Variants in CDYL2 observed in about 807,000 individuals in gnomAD.
CDYL2 encodes the protein chromodomain Y like 2.
A neutral mutation model predicts 49.4 loss-of-function variants in CDYL2; 23 were observed. The ratio of observed to expected loss-of-function variants is 0.47; its 90% CI spans 0.34 to 0.66. The LOEUF is 0.66. CDYL2 is among the 30% of genes least tolerant of loss of function. CDYL2 has a pLI of 0.01. For missense variants in CDYL2, 678 were observed against 656.4 expected, an observed-to-expected ratio of 1.03 and a Z score of -0.36; for synonymous variants, 360 against 268.8, an observed-to-expected ratio of 1.34 and a Z score of -3.32.
intron 1 of CDYL2, among the ~76,000 whole-genome samples, chr16:80,754,978 T>G (rs2142568056): frequency 6.6e-6 from 1 of 151,928 alleles, no homozygotes; most frequent in Non-Finnish European, 1.5e-5. Flanking sequence ...ACTTGGGCAG[T>G]CACCCACCAA....
At chr16:80,722,082 C>A (rs1333650782) in intron 1 of CDYL2, among the ~76,000 whole-genome samples, 1 of 152,030 alleles carries the variant, frequency 6.6e-6, no homozygotes, top group Non-Finnish European at 1.5e-5. Context: ...TAAAAATTCC[C>A]AGTGATAAGG....
intron 1 of CDYL2, among the ~76,000 whole-genome samples, chr16:80,802,291 A>C (rs909643431): frequency 6.6e-6 from 1 of 152,234 alleles, no homozygotes; most frequent in Non-Finnish European, 1.5e-5. Flanking sequence ...AGGCAAGGTC[A>C]ACAGCTCTAA....
chr16:80,771,924 G>C (rs960370079), intron 1 of CDYL2, among the ~76,000 whole-genome samples: 16 of 152,150 alleles, frequency 1.1e-4, no homozygotes, highest in Admixed American at 6.5e-5. Context: ...AGAGGATACA[G>C]TGATGGAGAA....
At chr16:80,695,221 A>AGTT (rs756866662) in intron 1 of CDYL2, among the ~76,000 whole-genome samples, 1 of 152,252 alleles carries the variant, frequency 6.6e-6, no homozygotes, top group African/African-American at 2.4e-5. Flanking sequence ...AGTAGAAATG[A>AGTT]GTTGTTGTCA....
At chr16:80,644,923 AC>A (rs1410618916) in intron 2 of CDYL2, among the ~76,000 whole-genome samples, 1 of 152,148 alleles carries the variant, frequency 6.6e-6, no homozygotes, top group East Asian at 1.9e-4. Context: ...TGCTGGGAAA[AC>A]TGGCTAGCCA....
chr16:80,685,207 T>A, intron 1 of CDYL2, 78 bp from the exon 2 acceptor site: 2 of 1,175,212 alleles, frequency 1.7e-6, no homozygotes, highest in South Asian at 2.8e-5. Flanking sequence ...AAGAACACCA[T>A]AAAGCCTTTG....
At chr16:80,680,068 A>G (rs1245520331) in intron 2 of CDYL2, among the ~76,000 whole-genome samples, 2 of 152,242 alleles carry the variant, frequency 1.3e-5, no homozygotes, top group Non-Finnish European at 2.9e-5. Flanking sequence ...TATAATCAAT[A>G]AAGGGAAAAA....
chr16:80,714,427 T>C, intron 1 of CDYL2, among the ~76,000 whole-genome samples: 1 of 152,164 alleles, frequency 6.6e-6, no homozygotes, highest in East Asian at 1.9e-4. Context: ...CATATAGAAA[T>C]ATCACTGTGT....
chr16:80,698,704 T>C (rs1287039476), intron 1 of CDYL2, among the ~76,000 whole-genome samples: 2 of 152,110 alleles, frequency 1.3e-5, no homozygotes, highest in East Asian at 3.9e-4. Context: ...TCTCTCTTAC[T>C]TCTGCTCCTG....
At chr16:80,623,371 G>T (rs144415027) in intron 3 of CDYL2, among the ~76,000 whole-genome samples, 1 of 152,102 alleles carries the variant, frequency 6.6e-6, no homozygotes, top group South Asian at 2.1e-4. Context: ...CAAACAAGAT[G>T]CAAGTAGACT....
At chr16:80,718,250 T>G (rs952614471) in intron 1 of CDYL2, among the ~76,000 whole-genome samples, 1 of 152,198 alleles carries the variant, frequency 6.6e-6, no homozygotes, top group Non-Finnish European at 1.5e-5. Context: ...CAATTTGAAG[T>G]AAAATATTAA....
chr16:80,622,369 G>C (rs953302536), intron 3 of CDYL2, among the ~76,000 whole-genome samples: 2 of 152,138 alleles, frequency 1.3e-5, no homozygotes, highest in Non-Finnish European at 2.9e-5. Flanking sequence ...CAGGCTCCTT[G>C]ATTCTGAAGG....
intron 2 of CDYL2, among the ~76,000 whole-genome samples, chr16:80,678,213 T>C (rs1430055544): frequency 6.6e-6 from 1 of 152,232 alleles, no homozygotes; most frequent in African/African-American, 2.4e-5. Context: ...AAGGCCTTCA[T>C]GTCTAAAACA....
At chr16:80,681,366 G>T (rs1909960295) in intron 2 of CDYL2, among the ~76,000 whole-genome samples, 1 of 152,150 alleles carries the variant, frequency 6.6e-6, no homozygotes, top group South Asian at 2.1e-4. Flanking sequence ...GAAGAGGGTA[G>T]AAGGAGGACA....
At chr16:80,634,698 G>A (rs1430462342) in intron 2 of CDYL2, among the ~76,000 whole-genome samples, 1 of 151,984 alleles carries the variant, frequency 6.6e-6, no homozygotes, top group Admixed American at 6.6e-5. Flanking sequence ...AAACTGCTCT[G>A]CCCATGTATT....
intron 1 of CDYL2, among the ~76,000 whole-genome samples, chr16:80,797,251 A>G (rs909573570): frequency 6.6e-6 from 1 of 152,166 alleles, no homozygotes; most frequent in African/African-American, 2.4e-5. Flanking sequence ...AAACACTCCA[A>G]ACTCACTGTC....
At chr16:80,792,827 C>T (rs969488905) in intron 1 of CDYL2, among the ~76,000 whole-genome samples, 3 of 152,168 alleles carry the variant, frequency 2.0e-5, no homozygotes, top group Non-Finnish European at 4.4e-5. Flanking sequence ...CTGCCCTCTG[C>T]CACAGGTAAC....
At chr16:80,755,151 T>G (rs141826214) in intron 1 of CDYL2, among the ~76,000 whole-genome samples, 45 of 152,292 alleles carry the variant, frequency 3.0e-4, no homozygotes, top group African/African-American at 8.9e-4. Flanking sequence ...CACATATATT[T>G]TAAGATGACA....
intron 2 of CDYL2, chr16:80,639,765 G>A (rs781453352): frequency 3.5e-5 from 16 of 455,642 alleles, no homozygotes; most frequent in Middle Eastern, 3.2e-4. Context: ...CCCTCCCCCT[G>A]AAGCAGTAGT....
Sources: allele counts gnomAD v4.1 joint callset (sites outside exome capture counted in the v4.1 genomes callset), GRCh38; gene constraint gnomAD v4.1.1; transcripts MANE v1.5; gene names NCBI Gene and HGNC (gene_info 2026-07-23, HGNC 2026-07-21).